PAK5: variants seen among roughly 807,000 people sequenced by gnomAD.
PAK5 encodes the protein serine/threonine-protein kinase PAK 5.
In PAK5, 16 loss-of-function variants were observed where a neutral mutation model predicts 65.9. That is an observed-to-expected ratio of 0.24 (90% CI 0.16 to 0.37). The LOEUF is 0.37. Among genes scored for constraint, PAK5 ranks in the 10% least tolerant of loss-of-function variants. PAK5 has a pLI of 1.00. For synonymous variants in PAK5, 371 were observed against 354.9 expected, an observed-to-expected ratio of 1.05 and a Z score of -0.51; for missense variants, 785 against 903.9, an observed-to-expected ratio of 0.87 and a Z score of 1.69.
chr20:9,711,816 TGA>T (rs1320916112), intron 1 of PAK5, among the ~76,000 whole-genome samples: 1 of 152,200 alleles, frequency 6.6e-6, no homozygotes, highest in Non-Finnish European at 1.5e-5. Flanking sequence ...AGTCAATTCT[TGA>T]TATTTGCAGT....
In PAK5 at chr20:9,569,388, A is replaced by T. The variant is rs183217776; in HGVS notation, c.991-3004T>A. On this transcript the variant is annotated intron_variant, in intron 4 of 9. Coordinates refer to ENST00000353224, the MANE Select transcript of PAK5 (RefSeq NM_177990.4). ...TCTGAGAGTCATCGGTGCTTAGTTCATATTAAAAGCCATGATACTGAATGT... is the reference window on the plus strand; with the variant it reads ...TCTGAGAGTCATCGGTGCTTAGTTCTTATTAAAAGCCATGATACTGAATGT... Among the ~76,000 whole-genome samples the T allele has an allele frequency of 1.8e-4, 27 of 152,318 alleles. No homozygotes were observed. The East Asian group carries it at 3.7e-3, about 21-fold the overall frequency.
intron 6 of PAK5, among the ~76,000 whole-genome samples, chr20:9,558,987 C>T (rs1178022252): frequency 3.9e-5 from 6 of 152,152 alleles, no homozygotes; most frequent in African/African-American, 1.4e-4. Flanking sequence ...GTCCAGAACG[C>T]ACGCTTTCCG....
chr20:9,832,596 ACTT>A (rs1296004464), intron 1 of PAK5, among the ~76,000 whole-genome samples: 2 of 152,006 alleles, frequency 1.3e-5, no homozygotes, highest in African/African-American at 4.8e-5. Flanking sequence ...GTATTTTTAA[ACTT>A]CTCTGTAGGA....
Position 9,562,892 on chromosome 20 carries a change from T to TG in PAK5, c.1614dup (p.Arg539GlnfsTer4), listed in dbSNP as rs761858688. The TG allele has an allele frequency of 8.1e-6, 13 of 1,612,746 alleles. No homozygotes were observed. Among genetic ancestry groups the TG allele is most frequent in the Non-Finnish European group, 1.1e-5 (13 of 1,179,488 alleles). On this transcript the variant is annotated frameshift_variant and splice_region_variant, in exon 6 of 10. Transcript: ENST00000353224. LOFTEE classifies it high-confidence loss of function. The stretch of plus-strand genomic sequence containing the variant: ...TCTCTGGATAATAAAGAAGCCTACC[T>TG]GGTGTGAGTCACAATGTCTGTCAAG...
intron 3 of PAK5, among the ~76,000 whole-genome samples, chr20:9,597,280 A>G (rs1042773912): frequency 1.3e-5 from 2 of 152,214 alleles, no homozygotes; most frequent in African/African-American, 2.4e-5. Flanking sequence ...GCTAATCCAG[A>G]TAGTTACAGC....
At chr20:9,731,957 T>C (rs2048339025) in intron 1 of PAK5, among the ~76,000 whole-genome samples, 1 of 152,110 alleles carries the variant, frequency 6.6e-6, no homozygotes, top group African/African-American at 2.4e-5. Flanking sequence ...AATAGCACAG[T>C]TTTATAATCA....
chr20:9,740,054 C>T (rs1444008183), intron 1 of PAK5, among the ~76,000 whole-genome samples: 1 of 152,110 alleles, frequency 6.6e-6, no homozygotes, highest in African/African-American at 2.4e-5. Flanking sequence ...TTATTAAGAA[C>T]TCTGGTACAA....
At chr20:9,645,409 A>G (rs2047120763) in intron 2 of PAK5, among the ~76,000 whole-genome samples, 1 of 152,166 alleles carries the variant, frequency 6.6e-6, no homozygotes, top group Non-Finnish European at 1.5e-5. Flanking sequence ...ATCCCAGATA[A>G]TTGCTTTTTT....
intron 2 of PAK5, among the ~76,000 whole-genome samples, chr20:9,686,984 C>T (rs1186322283): frequency 6.6e-6 from 1 of 152,212 alleles, no homozygotes; most frequent in Admixed American, 6.5e-5. Context: ...TGCTAGGGAA[C>T]TCTGAGAATA....
intron 1 of PAK5, among the ~76,000 whole-genome samples, chr20:9,800,605 A>G (rs890241205): frequency 2.0e-5 from 3 of 152,110 alleles, no homozygotes; most frequent in African/African-American, 7.2e-5. Flanking sequence ...ATTTACAATA[A>G]TGCAGTTCAT....
At chr20:9,676,095 G>A (rs1363372355) in intron 2 of PAK5, among the ~76,000 whole-genome samples, 1 of 152,116 alleles carries the variant, frequency 6.6e-6, no homozygotes, top group Non-Finnish European at 1.5e-5. Context: ...GGAGGAGCAA[G>A]TCACATCTTA....
At chr20:9,791,226 A>T (rs1375217500) in intron 1 of PAK5, among the ~76,000 whole-genome samples, 1 of 152,046 alleles carries the variant, frequency 6.6e-6, no homozygotes, top group Non-Finnish European at 1.5e-5. Context: ...ACACTCCAAA[A>T]TCCCTGCTTC....
At chr20:9,574,764 T>C (rs1249358412) in intron 4 of PAK5, among the ~76,000 whole-genome samples, 1 of 152,188 alleles carries the variant, frequency 6.6e-6, no homozygotes, top group Non-Finnish European at 1.5e-5. Context: ...CTTGGATGTT[T>C]TATGAGCCTT....
intron 3 of PAK5, among the ~76,000 whole-genome samples, chr20:9,594,493 T>C (rs1865144669): frequency 6.6e-6 from 1 of 152,230 alleles, no homozygotes; most frequent in Non-Finnish European, 1.5e-5. Context: ...CCTACTGACA[T>C]TGAAAAGGAT....
At chr20:9,728,892 T>C (rs1183951017) in intron 1 of PAK5, among the ~76,000 whole-genome samples, 1 of 152,190 alleles carries the variant, frequency 6.6e-6, no homozygotes, top group African/African-American at 2.4e-5. Context: ...AAATAGTTCC[T>C]ATCTGGCTTA....
intron 2 of PAK5, among the ~76,000 whole-genome samples, chr20:9,646,132 A>G (rs1600191839): frequency 6.6e-6 from 1 of 152,190 alleles, no homozygotes; most frequent in Non-Finnish European, 1.5e-5. Context: ...GTGCGGTTGG[A>G]GCTCCATGTT....
At chr20:9,724,468 T>A (rs1211721964) in intron 1 of PAK5, among the ~76,000 whole-genome samples, 1 of 152,206 alleles carries the variant, frequency 6.6e-6, no homozygotes, top group Non-Finnish European at 1.5e-5. Context: ...GTGGACATTA[T>A]GGGCTTGGGA....
At chr20:9,593,745 A>C (rs2046215114) in intron 3 of PAK5, among the ~76,000 whole-genome samples, 1 of 152,120 alleles carries the variant, frequency 6.6e-6, no homozygotes, top group South Asian at 2.1e-4. Flanking sequence ...CATTTAGATA[A>C]GCTATATACA....
rs150725498 is a variant in PAK5 at position 9,618,915 on chromosome 20, G to GTTTTTTTT, written c.204+25202_204+25209dup. ...AGATTCTTTTCTCTCTCTTTCTTTCGTTTTTTTTTTTTTTTTTTTTTTTTT... is the reference window on the plus strand; with the variant it reads ...AGATTCTTTTCTCTCTCTTTCTTTCGTTTTTTTTTTTTTTTTTTTTTTTTTTTTTTTTT... On this transcript the variant is annotated intron_variant, in intron 3 of 9. Transcript: ENST00000353224. Among the ~76,000 whole-genome samples the GTTTTTTTT allele has an allele frequency of 1.5e-3, 28 of 18,838 alleles. 8 individuals are homozygous for GTTTTTTTT. Among genetic ancestry groups the GTTTTTTTT allele is most frequent in the East Asian group, 4.5e-3 (2 of 448 alleles). The allele number at this position is 18,838 out of a possible 152,430, so 12.4% of individuals were successfully genotyped here.
Sources: allele counts gnomAD v4.1 joint callset (sites outside exome capture counted in the v4.1 genomes callset), GRCh38; gene constraint gnomAD v4.1.1; transcripts MANE v1.5; gene names NCBI Gene and HGNC (gene_info 2026-07-23, HGNC 2026-07-21).